HS6ST3: variants seen among roughly 807,000 people sequenced by gnomAD.
The protein encoded by HS6ST3 is heparan-sulfate 6-O-sulfotransferase 3.
In HS6ST3, 12 loss-of-function variants were observed where a neutral mutation model predicts 36.7. The ratio of observed to expected loss-of-function variants is 0.33; its 90% CI spans 0.21 to 0.53. HS6ST3 has a LOEUF of 0.53. Ranked by LOEUF, HS6ST3 falls within the 20% of genes least tolerant of loss-of-function variation. The pLI is 0.95. For synonymous variants in HS6ST3, 240 were observed against 257.5 expected (o/e 0.93, Z 0.65); for missense variants, 584 against 640.9 (o/e 0.91, Z 0.96).
intron 1 of HS6ST3, among the ~76,000 whole-genome samples, chr13:96,700,865 G>C (rs1160491912): frequency 6.6e-6 from 1 of 152,082 alleles, no homozygotes; most frequent in African/African-American, 2.4e-5. Flanking sequence ...TTATCTCTTT[G>C]GATTTAATCC....
At chr13:96,188,704 A>C (rs1426062670) in intron 1 of HS6ST3, among the ~76,000 whole-genome samples, 1 of 152,184 alleles carries the variant, frequency 6.6e-6, no homozygotes, top group Non-Finnish European at 1.5e-5. Flanking sequence ...AGTAATTTTT[A>C]ACCCATTTTC....
intron 1 of HS6ST3, among the ~76,000 whole-genome samples, chr13:96,829,487 C>T (rs184611226): frequency 6.6e-6 from 1 of 152,104 alleles, no homozygotes; most frequent in Non-Finnish European, 1.5e-5. Flanking sequence ...CTCGCACCCC[C>T]CAACTTCTGA....
At chr13:96,395,028 A>C (rs1311930253) in intron 1 of HS6ST3, among the ~76,000 whole-genome samples, 1 of 152,150 alleles carries the variant, frequency 6.6e-6, no homozygotes, top group African/African-American at 2.4e-5. Context: ...TCTTTCTATT[A>C]AGGCTTCATT....
At chr13:96,194,256 C>T (rs1213571095) in intron 1 of HS6ST3, among the ~76,000 whole-genome samples, 1 of 152,088 alleles carries the variant, frequency 6.6e-6, no homozygotes, top group Non-Finnish European at 1.5e-5. Context: ...TCTGCCTAAA[C>T]CTGATTGCCA....
chr13:96,436,025 C>G (rs1023333698), intron 1 of HS6ST3, among the ~76,000 whole-genome samples: 2 of 152,184 alleles, frequency 1.3e-5, no homozygotes, highest in Non-Finnish European at 2.9e-5. Context: ...AGATCTTGCT[C>G]TTTCCTAATT....
At chr13:96,480,434 A>C (rs959775343) in intron 1 of HS6ST3, among the ~76,000 whole-genome samples, 9 of 151,990 alleles carry the variant, frequency 5.9e-5, no homozygotes, top group African/African-American at 1.9e-4. Context: ...AAATTTAAGA[A>C]TGTGTACATG....
chr13:96,756,865 T>C (rs1876842915), intron 1 of HS6ST3, among the ~76,000 whole-genome samples: 1 of 152,244 alleles, frequency 6.6e-6, no homozygotes, highest in Non-Finnish European at 1.5e-5. Flanking sequence ...GTGTACATTG[T>C]ATTCGTTTTC....
intron 1 of HS6ST3, among the ~76,000 whole-genome samples, chr13:96,732,048 C>G (rs757061227): frequency 6.6e-6 from 1 of 152,154 alleles, no homozygotes; most frequent in East Asian, 1.9e-4. Flanking sequence ...CCTCTCTTTA[C>G]GCACATCCTT....
At chr13:96,791,366 G>A (rs1362433190) in intron 1 of HS6ST3, among the ~76,000 whole-genome samples, 1 of 151,968 alleles carries the variant, frequency 6.6e-6, no homozygotes, top group Non-Finnish European at 1.5e-5. Context: ...GGTGAGACAT[G>A]GAAAGTACAA....
intron 1 of HS6ST3, among the ~76,000 whole-genome samples, chr13:96,810,158 C>T (rs1223106009): frequency 2.6e-5 from 4 of 152,136 alleles, no homozygotes; most frequent in South Asian, 2.1e-4. Flanking sequence ...CCCAGCCTCC[C>T]GGGCAGCCTG....
chr13:96,105,259 TG>T (rs965443807), intron 1 of HS6ST3, among the ~76,000 whole-genome samples: 1 of 151,734 alleles, frequency 6.6e-6, no homozygotes, highest in Non-Finnish European at 1.5e-5. Context: ...TTCTAAGCTG[TG>T]GAAAGACATG....
At chr13:96,185,235 T>C (rs2054259788) in intron 1 of HS6ST3, among the ~76,000 whole-genome samples, 1 of 152,212 alleles carries the variant, frequency 6.6e-6, no homozygotes, top group Admixed American at 6.5e-5. Context: ...CTGTATTGAG[T>C]TTTTCTGTGA....
chr13:96,503,348 A>G (rs1417121300), intron 1 of HS6ST3, among the ~76,000 whole-genome samples: 1 of 152,206 alleles, frequency 6.6e-6, no homozygotes, highest in African/African-American at 2.4e-5. Flanking sequence ...AGGTCAGGGC[A>G]GTGTCTGTAC....
chr13:96,754,527 G>A (rs1364062010), intron 1 of HS6ST3, among the ~76,000 whole-genome samples: 3 of 152,104 alleles, frequency 2.0e-5, no homozygotes, highest in South Asian at 2.1e-4. Context: ...GAATGAATAC[G>A]GGTGACATCC....
intron 1 of HS6ST3, among the ~76,000 whole-genome samples, chr13:96,366,964 C>A (rs183522539): frequency 3.3e-5 from 5 of 152,200 alleles, no homozygotes; most frequent in Admixed American, 1.3e-4. Flanking sequence ...CTTTGTCCCT[C>A]CTTCGCCTTC....
intron 1 of HS6ST3, among the ~76,000 whole-genome samples, chr13:96,611,962 T>A (rs2056458449): frequency 6.6e-6 from 1 of 152,138 alleles, no homozygotes; most frequent in African/African-American, 2.4e-5. Context: ...AAGAATGGAT[T>A]CCAGAAGCAA....
chr13:96,424,733 C>A (rs1190664641), intron 1 of HS6ST3, among the ~76,000 whole-genome samples: 1 of 152,070 alleles, frequency 6.6e-6, no homozygotes, highest in Non-Finnish European at 1.5e-5. Context: ...GCCCTCGTGA[C>A]CTGATTATCT....
At chr13:96,344,577 G>C (rs1462416246) in intron 1 of HS6ST3, among the ~76,000 whole-genome samples, 2 of 152,206 alleles carry the variant, frequency 1.3e-5, no homozygotes, top group Non-Finnish European at 2.9e-5. Context: ...TTTGAACCTA[G>C]TGAGTGGGCA....
chr13:96,633,730 C>T (rs1381700426), intron 1 of HS6ST3, among the ~76,000 whole-genome samples: 1 of 151,988 alleles, frequency 6.6e-6, no homozygotes, highest in Non-Finnish European at 1.5e-5. Context: ...TAGATTCATA[C>T]GTTGATGTAT....
Sources: gnomAD v4.1 joint callset for allele counts (sites outside exome capture counted in the v4.1 genomes callset) on GRCh38, gnomAD v4.1.1 for gene constraint, MANE v1.5 for transcripts, NCBI Gene and HGNC (gene_info 2026-07-23, HGNC 2026-07-21) for gene names.